EBF1: variants seen among roughly 807,000 people sequenced by gnomAD.
The protein encoded by EBF1 is EBF transcription factor 1.
In EBF1, 10 loss-of-function variants were observed where a neutral mutation model predicts 68.4. The ratio of observed to expected loss-of-function variants is 0.15; its 90% confidence interval spans 0.09 to 0.25. The LOEUF is 0.25. Ranked by LOEUF, EBF1 falls within the 10% of genes least tolerant of loss-of-function variation. The pLI is 1.00. For missense variants in EBF1, 509 were observed against 794.4 expected, an observed-to-expected ratio of 0.64 and a Z score of 4.32; for synonymous variants, 298 against 299.8, an observed-to-expected ratio of 0.99 and a Z score of 0.06.
chr5:158,712,256 A>C lies in EBF1; in HGVS notation c.1447T>G (p.Ser483Ala), dbSNP rs1260789171. The change falls in exon 14 of 16, where the codon TCC becomes GCC. Residue 483 changes from serine (S) to alanine (A), a missense_variant. Ser to Ala is a moderately conservative substitution (Grantham distance 99). Coordinates refer to ENST00000313708, the MANE Select transcript of EBF1 (RefSeq NM_024007.5). Reference protein sequence around the residue: ...STTPQQTNYNSVTTSMNGYGS... With the variant: ...STTPQQTNYNAVTTSMNGYGS... The stretch of plus-strand genomic sequence containing the variant: ...TATCCGTTCATGCTCGTGGTGACGG[A>C]GTTATAGTTGGTCTGCTGGGGAGTG... The C allele has an allele frequency of 2.5e-6, 4 of 1,613,766 alleles. No homozygotes were observed. The African/African-American group carries it at 5.3e-5, about 22-fold the overall frequency.
chr5:159,041,006 C>T (rs903662949), intron 6 of EBF1, among the ~76,000 whole-genome samples: 1 of 152,166 alleles, frequency 6.6e-6, no homozygotes, highest in Non-Finnish European at 1.5e-5. Context: ...GAAACGGATT[C>T]TGTGCTACAT....
intron 7 of EBF1, among the ~76,000 whole-genome samples, chr5:158,824,776 C>T (rs1203677810): frequency 1.3e-5 from 2 of 152,234 alleles, no homozygotes; most frequent in African/African-American, 2.4e-5. Context: ...TCAGCTTGGA[C>T]GCCAGTCCCC....
chr5:158,706,190 G>A lies in EBF1; in HGVS notation c.1744+1789C>T, dbSNP rs3734106. ...GCCTGAAATGCAGTTGCACAGGCAC[G>A]CTTTTTTTTTTTTTTTCCTCTTTCC... On this transcript the variant is annotated intron_variant, in intron 15 of 15. Transcript: ENST00000313708. 4.4e-4 allele frequency among the ~76,000 whole-genome samples: 66 copies of A among 149,622 alleles called. No homozygotes were observed. The East Asian group carries it at 0.012, about 27-fold the overall frequency.
At chr5:158,796,540 G>A in intron 8 of EBF1, 65 bp from the exon 9 acceptor site, 4 of 1,475,228 alleles carry the variant, frequency 2.7e-6, no homozygotes, top group East Asian at 2.4e-5. Flanking sequence ...TAATGATGAA[G>A]ACTTGAGAAA....
rs562636097 is a variant in EBF1, at chr5:158,700,427, C to A, written c.1745-1285G>T. ...GCTTTCTTTTTATGGCAAATCTAAA[C>A]GTAAATTAATTAGTGTTCTTGTCAG... On this transcript the variant is annotated intron_variant, in intron 15 of 15. Transcript: ENST00000313708. Among the ~76,000 whole-genome samples the A allele has an allele frequency of 1.1e-4, 16 of 151,690 alleles. No individual in the cohort carries two copies. In the South Asian group the frequency reaches 3.3e-3, roughly 32 times the overall value.
intron 6 of EBF1, among the ~76,000 whole-genome samples, chr5:158,917,868 A>G (rs1395207130): frequency 6.6e-6 from 1 of 152,172 alleles, no homozygotes. Flanking sequence ...CATGCAGCAA[A>G]GAGGAAAGGC....
chr5:158,889,767 C>CT (rs1292782070), intron 6 of EBF1, among the ~76,000 whole-genome samples: 2 of 152,202 alleles, frequency 1.3e-5, no homozygotes, highest in African/African-American at 4.8e-5. Flanking sequence ...TAGGTCTTCT[C>CT]TACTCCTCTT....
intron 6 of EBF1, among the ~76,000 whole-genome samples, chr5:158,861,088 G>A (rs1211599687): frequency 2.0e-5 from 3 of 152,154 alleles, no homozygotes; most frequent in Non-Finnish European, 2.9e-5. Flanking sequence ...AAGGGGTGAT[G>A]AGTAAAATCA....
intron 6 of EBF1, among the ~76,000 whole-genome samples, chr5:158,870,667 C>A (rs148141224): frequency 0.013 from 2,030 of 152,202 alleles, 18 homozygotes; most frequent in Non-Finnish European, 0.021. Flanking sequence ...CAGAGTGAGA[C>A]CCTGTCTCAA....
chr5:158,801,067 C>CT (rs1040915247), intron 8 of EBF1, among the ~76,000 whole-genome samples: 5 of 152,038 alleles, frequency 3.3e-5, no homozygotes, highest in African/African-American at 1.2e-4. Context: ...GGGTTTGCCT[C>CT]TTTTTTTAAA....
intron 6 of EBF1, among the ~76,000 whole-genome samples, chr5:159,042,043 A>C (rs535441944): frequency 3.3e-5 from 5 of 152,212 alleles, no homozygotes; most frequent in Non-Finnish European, 4.4e-5. Flanking sequence ...AAGCATTCCC[A>C]TTATAGCCCC....
At chr5:158,800,742 G>A (rs1780431219) in intron 8 of EBF1, among the ~76,000 whole-genome samples, 2 of 152,124 alleles carry the variant, frequency 1.3e-5, no homozygotes, top group African/African-American at 4.8e-5. Flanking sequence ...ACAGAGGGGA[G>A]ACAGGGAAAA....
intron 10 of EBF1, among the ~76,000 whole-genome samples, chr5:158,745,808 A>G (rs1195371815): frequency 6.6e-6 from 1 of 152,182 alleles, no homozygotes; most frequent in Admixed American, 6.5e-5. Flanking sequence ...GTTGCTGTTG[A>G]TCTATAAGCA....
intron 12 of EBF1, 105 bp from the exon 13 acceptor site, chr5:158,713,252 T>G: frequency 9.9e-7 from 1 of 1,014,368 alleles, no homozygotes; most frequent in Non-Finnish European, 1.3e-6. Flanking sequence ...AATGGTCAGC[T>G]GCATTAACTT....
In EBF1 at chr5:158,820,091, C is replaced by T. The variant is rs189191727; in HGVS notation, c.778+3085G>A. On this transcript the variant is annotated intron_variant, in intron 8 of 15. Coordinates refer to ENST00000313708, the MANE Select transcript of EBF1 (RefSeq NM_024007.5). The stretch of plus-strand genomic sequence containing the variant: ...GGTGAGCCACAAAAGGAAACTTCCT[C>T]CAACAGTCTGACAAGCAGGATATAA... 1.2e-4 allele frequency among the ~76,000 whole-genome samples: 18 copies of T among 152,166 alleles called. No homozygotes were observed. In the East Asian group the frequency reaches 3.5e-3, roughly 29 times the overall value.
intron 6 of EBF1, among the ~76,000 whole-genome samples, chr5:158,945,768 C>G (rs1166775369): frequency 6.6e-6 from 1 of 152,152 alleles, no homozygotes; most frequent in Non-Finnish European, 1.5e-5. Flanking sequence ...GTATGATATT[C>G]TGGATGATTT....
chr5:158,817,519 C>G (rs926838041), intron 8 of EBF1, among the ~76,000 whole-genome samples: 1 of 152,144 alleles, frequency 6.6e-6, no homozygotes, highest in African/African-American at 2.4e-5. Flanking sequence ...GAAGCCCTCA[C>G]CAGTGCTGGC....
intron 6 of EBF1, among the ~76,000 whole-genome samples, chr5:159,056,261 G>C (rs1774708677): frequency 6.6e-6 from 1 of 152,168 alleles, no homozygotes; most frequent in South Asian, 2.1e-4. Flanking sequence ...ACTACATTCA[G>C]TCATATATTT....
intron 9 of EBF1, among the ~76,000 whole-genome samples, chr5:158,791,874 G>A (rs1047636358): frequency 6.6e-6 from 1 of 152,138 alleles, no homozygotes; most frequent in South Asian, 2.1e-4. Context: ...ATCCCACAAA[G>A]CCCAACTTTA....
Sources: gnomAD v4.1 joint callset for allele counts (sites outside exome capture counted in the v4.1 genomes callset) on GRCh38, gnomAD v4.1.1 for gene constraint, MANE v1.5 for transcripts, NCBI Gene and HGNC (gene_info 2026-07-23, HGNC 2026-07-21) for gene names.